The following LARGE1 variants were observed in gnomAD, a reference collection of about 807,000 sequenced individuals.
The protein encoded by LARGE1 is LARGE xylosyl- and glucuronyltransferase 1.
In LARGE1, 43 loss-of-function variants were observed where a neutral mutation model predicts 87.6. The observed-to-expected ratio is 0.49, with a 90% CI of 0.38 to 0.63. The LOEUF (loss-of-function observed/expected upper bound fraction) is 0.63. LARGE1 is among the 30% of genes least tolerant of loss of function. The pLI is 0.00. For missense variants in LARGE1, 802 were observed against 1,000.2 expected (o/e 0.80, Z 2.67); for synonymous variants, 434 against 394.6 (o/e 1.10, Z -1.18).
At chr22:33,267,564 T>C (rs1442547011), downstream of LARGE1, among the ~76,000 whole-genome samples, 1 of 151,548 alleles carries the variant, frequency 6.6e-6, no homozygotes, top group African/African-American at 2.4e-5. Context: ...ATCACTTACG[T>C]AGGTTTTCCT....
At chr22:33,767,512 G>A (rs2084943322) in intron 1 of LARGE1, among the ~76,000 whole-genome samples, 1 of 150,704 alleles carries the variant, frequency 6.6e-6, no homozygotes, top group South Asian at 2.1e-4. Flanking sequence ...GCTCAGTGCA[G>A]TGAGTTAACA....
At chr22:33,836,651 A>G (rs1300703081) in intron 1 of LARGE1, among the ~76,000 whole-genome samples, 2 of 152,150 alleles carry the variant, frequency 1.3e-5, no homozygotes, top group Non-Finnish European at 2.9e-5. Flanking sequence ...AGGTAGAAAA[A>G]GAATGAGCTT....
At chr22:33,080,376 G>A in the LARGE1 span, among the ~76,000 whole-genome samples, 11 of 152,136 alleles carry the variant, frequency 7.2e-5, no homozygotes, top group South Asian at 4.1e-4. Context: ...CTCTTTGTTC[G>A]TTGTAGGTTC....
At chr22:33,855,753 C>G (rs1180085779) in intron 1 of LARGE1, among the ~76,000 whole-genome samples, 1 of 152,126 alleles carries the variant, frequency 6.6e-6, no homozygotes, top group African/African-American at 2.4e-5. Context: ...CTTACTTTTT[C>G]ATCATCATTC....
chr22:33,183,634 A>ACACACGCACG (rs3071465), intron 11 of LARGE1, among the ~76,000 whole-genome samples: 7 of 146,532 alleles, frequency 4.8e-5, no homozygotes, highest in South Asian at 2.3e-4. Flanking sequence ...ACACACACAC[A>ACACACGCACG]CACACACACA....
the LARGE1 span, among the ~76,000 whole-genome samples, chr22:33,133,638 A>G: frequency 6.6e-6 from 1 of 152,222 alleles, no homozygotes; most frequent in Non-Finnish European, 1.5e-5. Context: ...CGCAATAAAC[A>G]TATGTGTGCA....
At chr22:33,557,388 G>A (rs1374824093) in intron 6 of LARGE1, among the ~76,000 whole-genome samples, 1 of 152,274 alleles carries the variant, frequency 6.6e-6, no homozygotes, top group East Asian at 1.9e-4. Context: ...GTAGAAGGCA[G>A]GCTGGTTAAG....
At chr22:33,488,821 C>A (rs2148268656) in intron 6 of LARGE1, among the ~76,000 whole-genome samples, 1 of 152,302 alleles carries the variant, frequency 6.6e-6, no homozygotes, top group Non-Finnish European at 1.5e-5. Context: ...TCATTCTAGA[C>A]ATAACCTACC....
intron 1 of LARGE1, among the ~76,000 whole-genome samples, chr22:33,882,588 G>A (rs1923107809): frequency 6.6e-6 from 1 of 152,266 alleles, no homozygotes; most frequent in South Asian, 2.1e-4. Flanking sequence ...CACTGGAACA[G>A]GAAGGCTAAT....
chr22:33,314,857 T>A (rs978612754), intron 11 of LARGE1, among the ~76,000 whole-genome samples: 4 of 152,322 alleles, frequency 2.6e-5, no homozygotes, highest in African/African-American at 9.6e-5. Context: ...TAGCCCTGGC[T>A]GAGTGACCTT....
chr22:33,876,103 G>C (rs1250420960), intron 1 of LARGE1, among the ~76,000 whole-genome samples: 1 of 152,212 alleles, frequency 6.6e-6, no homozygotes, highest in East Asian at 1.9e-4. Context: ...TTCTGTGTCT[G>C]AATCACTGAT....
At chr22:33,523,571 G>A (rs542682606) in intron 6 of LARGE1, among the ~76,000 whole-genome samples, 2 of 152,280 alleles carry the variant, frequency 1.3e-5, no homozygotes, top group Admixed American at 6.5e-5. Context: ...CACCACATTA[G>A]ATGCAGTGTG....
At chr22:33,696,239 CT>C (rs2082243132) in intron 2 of LARGE1, among the ~76,000 whole-genome samples, 1 of 41,838 alleles carries the variant, frequency 2.4e-5, no homozygotes, top group African/African-American at 1.0e-4. Flanking sequence ...CAGTATTTTT[CT>C]TTCTTTCTTT....
intron 1 of LARGE1, among the ~76,000 whole-genome samples, chr22:33,834,620 AT>A (rs1407101748): frequency 6.6e-6 from 1 of 152,208 alleles, no homozygotes; most frequent in Non-Finnish European, 1.5e-5. Flanking sequence ...CACCCAGGTG[AT>A]TAAAAAGCTT....
chr22:33,087,606 T>C, the LARGE1 span, among the ~76,000 whole-genome samples: 1 of 152,330 alleles, frequency 6.6e-6, no homozygotes, highest in African/African-American at 2.4e-5. Flanking sequence ...GTATTTTATA[T>C]TGTTTCCATT....
rs910123634 is a variant in LARGE1 at position 33,309,032 on chromosome 22, T to G, written c.1452-4525A>C. Among the ~76,000 whole-genome samples the G allele has an allele frequency of 7.9e-5, 12 of 152,312 alleles. No individual in the cohort carries two copies. The East Asian group carries it at 2.3e-3, about 29-fold the overall frequency. ...GTTATTTCCAATGCATCTGGTATAC[T>G]ATACAGGCAAGGGGCCTAGGCGCCT... On this transcript the variant is annotated intron_variant, in intron 11 of 14. Transcript: ENST00000397394.
chr22:33,710,453 C>G (rs934986053), intron 2 of LARGE1, among the ~76,000 whole-genome samples: 4 of 152,160 alleles, frequency 2.6e-5, no homozygotes, highest in Non-Finnish European at 5.9e-5. Context: ...AAGACAGTGG[C>G]AAGGAAGGCT....
the LARGE1 span, among the ~76,000 whole-genome samples, chr22:33,142,825 AC>A: frequency 6.6e-6 from 1 of 152,166 alleles, no homozygotes; most frequent in Non-Finnish European, 1.5e-5. Flanking sequence ...ACTTGGGTTT[AC>A]CTTGGCAAGC....
Position 33,920,142 on chromosome 22 carries a change from G to C in LARGE1, c.-230C>G, listed in dbSNP as rs2065904024. On this transcript the variant is annotated 5_prime_UTR_variant, in exon 1 of 15. Coordinates refer to ENST00000397394, the MANE Select transcript of LARGE1 (RefSeq NM_133642.5). ...GCGGCGGTGCCAAGCACAGAGTTCGGGACTGCCCCCGGCTCCAAATGCCGC... is the reference window on the plus strand; with the variant it reads ...GCGGCGGTGCCAAGCACAGAGTTCGCGACTGCCCCCGGCTCCAAATGCCGC... 6.6e-6 allele frequency: 1 copy of C among 152,406 alleles called. No individual in the cohort carries two copies. Among genetic ancestry groups the C allele is most frequent in the Admixed American group, 6.5e-5 (1 of 15,282 alleles). The allele number at this position is 152,406 out of a possible 1,614,324, so 9.4% of individuals were successfully genotyped here. A position where few individuals can be genotyped will look rare whatever the true frequency, so the allele number is the denominator to read the frequency against.
Sources: gnomAD v4.1 joint callset for allele counts (sites outside exome capture counted in the v4.1 genomes callset) on GRCh38, gnomAD v4.1.1 for gene constraint, MANE v1.5 for transcripts, NCBI Gene and HGNC (gene_info 2026-07-23, HGNC 2026-07-21) for gene names.